SWT1: variants seen among roughly 807,000 people sequenced by gnomAD.
The protein encoded by SWT1 is transcriptional protein SWT1.
Under a neutral mutation model 107.3 loss-of-function variants are expected in SWT1, and 33 were observed. That is an observed-to-expected ratio of 0.31 (90% CI 0.23 to 0.41). The LOEUF (loss-of-function observed/expected upper bound fraction) is 0.41. Ranked by LOEUF, SWT1 falls within the 10% of genes least tolerant of loss-of-function variation. The probability of loss-of-function intolerance (pLI) is 1.00; values close to 1 mark genes in which losing one functional copy is unlikely to be tolerated. For missense variants in SWT1, 898 were observed against 1,028.9 expected (o/e 0.87, Z 1.74); for synonymous variants, 345 against 348.3 (o/e 0.99, Z 0.11).
At chr1:185,216,329 T>A (rs1659213205) in intron 14 of SWT1, among the ~76,000 whole-genome samples, 1 of 152,128 alleles carries the variant, frequency 6.6e-6, no homozygotes, top group South Asian at 2.1e-4. Context: ...ATAGCATGAG[T>A]ATTGTACCTT....
At chr1:185,237,371 A>G (rs901813859) in intron 16 of SWT1, among the ~76,000 whole-genome samples, 1 of 152,238 alleles carries the variant, frequency 6.6e-6, no homozygotes, top group South Asian at 2.1e-4. Flanking sequence ...CTATACAGCC[A>G]TAAAAAAGGA....
At position 185,228,169 on chromosome 1, in the gene SWT1, G is replaced by GTATATATATATATATATA. The variant is rs757812651; in HGVS notation, c.2310-3405_2310-3388dup. 3.5e-4 allele frequency among the ~76,000 whole-genome samples: 28 copies of GTATATATATATATATATA among 79,332 alleles called. 2 individuals are homozygous for GTATATATATATATATATA. In the East Asian group the frequency reaches 4.3e-3, roughly 12 times the overall value. 52.0% of individuals were successfully genotyped at this position (79,332 alleles called of 152,430 possible). ...AGTATGTCACATTAAAAAAAAATGT[G>GTATATATATATATATATA]TATATATATATATATATATACATAT... On this transcript the variant is annotated intron_variant, in intron 15 of 18. Transcript: ENST00000367500.
intron 5 of SWT1, chr1:185,176,780 C>T: frequency 3.1e-6 from 2 of 644,316 alleles, no homozygotes; most frequent in African/African-American, 2.0e-5. Flanking sequence ...GTCAGGAGAT[C>T]GAGACCATCC....
intron 16 of SWT1, among the ~76,000 whole-genome samples, chr1:185,241,020 C>G (rs1045239780): frequency 6.6e-6 from 1 of 151,942 alleles, no homozygotes; most frequent in Admixed American, 6.6e-5. Flanking sequence ...TTATTAACTT[C>G]GCCTCTTTGA....
At chr1:185,178,540 G>C (rs1655756385) in intron 5 of SWT1, among the ~76,000 whole-genome samples, 1 of 152,128 alleles carries the variant, frequency 6.6e-6, no homozygotes, top group Admixed American at 6.5e-5. Context: ...CTATGTATTT[G>C]ATAAGGCATG....
intron 18 of SWT1, among the ~76,000 whole-genome samples, chr1:185,276,968 T>A (rs1232363835): frequency 6.6e-6 from 1 of 152,190 alleles, no homozygotes; most frequent in Non-Finnish European, 1.5e-5. Context: ...CTAGCTATAT[T>A]TGCTGTATTA....
chr1:185,165,882 T>G (rs767913130), intron 2 of SWT1, among the ~76,000 whole-genome samples: 13 of 152,218 alleles, frequency 8.5e-5, no homozygotes, highest in Non-Finnish European at 1.9e-4. Context: ...AATGGTTTGT[T>G]TCTTCACTTT....
At chr1:185,213,698 A>T (rs895067139) in intron 13 of SWT1, among the ~76,000 whole-genome samples, 36 of 152,324 alleles carry the variant, frequency 2.4e-4, no homozygotes, top group African/African-American at 8.7e-4. Context: ...ACTGTTAGGT[A>T]GCATTCTGCT....
chr1:185,207,621 A>T (rs970621859), intron 13 of SWT1, among the ~76,000 whole-genome samples: 21 of 152,186 alleles, frequency 1.4e-4, no homozygotes, highest in African/African-American at 4.8e-4. Flanking sequence ...AAAGGCAAAG[A>T]CTGGGCATGG....
At chr1:185,164,101 T>C (rs1654381081) in intron 2 of SWT1, among the ~76,000 whole-genome samples, 1 of 152,250 alleles carries the variant, frequency 6.6e-6, no homozygotes, top group Non-Finnish European at 1.5e-5. Context: ...CATTCATCTC[T>C]TTGTACATCT....
chr1:185,237,326 A>T (rs894118304), intron 16 of SWT1, among the ~76,000 whole-genome samples: 1 of 152,228 alleles, frequency 6.6e-6, no homozygotes, highest in South Asian at 2.1e-4. Context: ...GATAGACTGG[A>T]TAAAGAAAGT....
At chr1:185,255,232 G>C (rs1470357154) in intron 16 of SWT1, among the ~76,000 whole-genome samples, 1 of 151,700 alleles carries the variant, frequency 6.6e-6, no homozygotes, top group Non-Finnish European at 1.5e-5. Flanking sequence ...GGTGTGGTGT[G>C]GTGCTGAAAA....
intron 18 of SWT1, among the ~76,000 whole-genome samples, chr1:185,286,563 C>G (rs138379488): frequency 1.3e-5 from 2 of 151,978 alleles, no homozygotes; most frequent in Non-Finnish European, 2.9e-5. Context: ...AATTGATTCC[C>G]GAGTATTTTA....
chr1:185,214,076 G>C (rs1464228460), intron 13 of SWT1, among the ~76,000 whole-genome samples: 3 of 152,058 alleles, frequency 2.0e-5, no homozygotes, highest in Admixed American at 6.6e-5. Flanking sequence ...GATAGCTGAG[G>C]TGATGACGAG....
At position 185,228,200 on chromosome 1, in the gene SWT1, T is replaced by TATACAC. The variant is rs1235462995; in HGVS notation, c.2310-3376_2310-3375insTACACA. ...ATATATATATATATACATATATATA[T>TATACAC]ACTCAGTATGTTTTTCTTCAGCCTT... On this transcript the variant is annotated intron_variant, in intron 15 of 18. Transcript: ENST00000367500. Among the ~76,000 whole-genome samples the TATACAC allele has an allele frequency of 5.9e-3, 849 of 144,932 alleles. 19 individuals carry two copies. The highest frequency in any genetic ancestry group is 0.021 in the African/African-American group (794 of 37,504).
Position 185,174,724 on chromosome 1 carries a change from A to G in SWT1, c.577A>G (p.Lys193Glu), listed in dbSNP as rs1156551703. ...MKELKKGRNS[K>E]FRDNSEKCVL... ...AGAACTCAAGAAAGGAAGAAACAGTAAATTTAGAGACAATTCTGAAAAATG... is the reference window on the plus strand; with the variant it reads ...AGAACTCAAGAAAGGAAGAAACAGTGAATTTAGAGACAATTCTGAAAAATG... Residue 193 changes from lysine (K) to glutamate (E), a missense_variant, in exon 5 of 19, where the codon AAA becomes GAA. Physicochemically the swap from Lys to Glu is moderately conservative, Grantham distance 56. Coordinates refer to ENST00000367500, the MANE Select transcript of SWT1 (RefSeq NM_017673.7). 1.9e-6 allele frequency: 3 copies of G among 1,612,898 alleles called. No individual in the cohort carries two copies. The highest frequency in any genetic ancestry group is 2.5e-6 in the Non-Finnish European group (3 of 1,179,726).
chr1:185,174,782 C>G lies in SWT1; in HGVS notation c.635C>G (p.Ser212Cys). The change falls in exon 5 of 19, where the codon TCT (serine) becomes TGT (cysteine). Residue 212 changes from serine (S) to cysteine (C), a missense_variant. Around this residue, in one of 6 missense-constraint regions of SWT1, gnomAD observed 382 missense variants for 362.4 expected, o/e 1.05. Coordinates refer to ENST00000367500, the MANE Select transcript of SWT1 (RefSeq NM_017673.7). ...VLEKWKRNQF[S>C]QDYNSNKIIK... ...GAGAAATGGAAGAGAAATCAATTTT[C>G]TCAGGATTATAACTCCAACAAGATA... The G allele has an allele frequency of 6.2e-7, 1 of 1,610,864 alleles. No homozygotes were observed. Among genetic ancestry groups the G allele is most frequent in the Non-Finnish European group, 8.5e-7 (1 of 1,179,332 alleles).
intron 9 of SWT1, among the ~76,000 whole-genome samples, chr1:185,187,245 A>G (rs1178349611): frequency 1.3e-5 from 2 of 150,910 alleles, no homozygotes; most frequent in Non-Finnish European, 1.5e-5. Context: ...TTTTTAGTAG[A>G]GATGGGGTTT....
chr1:185,172,276 G>T (rs41377350), intron 4 of SWT1, among the ~76,000 whole-genome samples: 2,337 of 152,128 alleles, frequency 0.015, 65 homozygotes, highest in East Asian at 0.076. Flanking sequence ...TAACATTTTA[G>T]CACCTTTCTG....
Sources: allele counts gnomAD v4.1 joint callset (sites outside exome capture counted in the v4.1 genomes callset), GRCh38; gene constraint gnomAD v4.1.1; regional missense constraint gnomAD v4.1.1; transcripts MANE v1.5; gene names NCBI Gene and HGNC (gene_info 2026-07-23, HGNC 2026-07-21).